The following MCM9 variants were observed in gnomAD, a reference collection of about 807,000 sequenced individuals.
MCM9 encodes the protein minichromosome maintenance 9 homologous recombination repair factor, also known as DNA helicase MCM9.
MCM9 carries 55 observed loss-of-function variants against 72.8 expected under a neutral mutation model. The observed-to-expected ratio is 0.76, with a 90% CI of 0.61 to 0.95. MCM9 has a LOEUF of 0.95. MCM9 is among the 40% of genes least tolerant of loss of function. MCM9 has a pLI of 0.00. For synonymous variants in MCM9, 480 were observed against 503.4 expected (o/e 0.95, Z 0.62); for missense variants, 1,279 against 1,377.0 (o/e 0.93, Z 1.13).
rs560268904 is a variant in MCM9 at position 118,829,247 on chromosome 6, G to A, written c.1329C>T (p.Leu443=). Residue 443 remains leucine (L), a synonymous_variant, in exon 10 of 14, where the codon CTC becomes CTT. Coordinates refer to ENST00000619706, the MANE Select transcript of MCM9 (RefSeq NM_017696.3). ...QQTISVAKAG[L]VCKLNTRTTI... is the part of the protein sequence containing the mutation. ...TGGTCCTTGTGTTCAGCTTGCACAC[G>A]AGGCTGCCAGGAGAGACAGTACAAT... 5.6e-5 allele frequency: 87 copies of A among 1,548,180 alleles called. No individual in the cohort carries two copies. The East Asian group carries it at 9.3e-4, about 17-fold the overall frequency.
intron 3 of MCM9, among the ~76,000 whole-genome samples, chr6:118,930,316 G>T (rs1487372298): frequency 6.6e-6 from 1 of 152,080 alleles, no homozygotes; most frequent in Non-Finnish European, 1.5e-5. Context: ...GTTTCACCGT[G>T]TTAGCCAGGA....
At chr6:118,911,996 A>G in intron 7 of MCM9, 2 of 365,658 alleles carry the variant, frequency 5.5e-6, no homozygotes. Context: ...TGCTATTTCC[A>G]GATGTTCAGG....
Position 118,931,561 on chromosome 6 carries a change from C to T in MCM9, c.163G>A (p.Gly55Arg), listed in dbSNP as rs549795259. The T allele has an allele frequency of 4.3e-6, 7 of 1,613,956 alleles. No individual in the cohort carries two copies. The highest frequency in any genetic ancestry group is 5.9e-6 in the Non-Finnish European group (7 of 1,180,034). Residue 55 changes from glycine to arginine, a missense_variant, in exon 3 of 14, where the codon GGG (glycine) becomes AGG (arginine). Transcript: ENST00000619706. Reference sequence around the variant, plus strand: ...CTGGGGAACATGTTGAAATATTCCCCGATTTCCATGTTGGTCTCAAACAGA... The same window carrying T: ...CTGGGGAACATGTTGAAATATTCCCTGATTTCCATGTTGGTCTCAAACAGA... ...MTLFETNMEI[G>R]EYFNMFPSEV... is the part of the protein sequence containing the mutation.
intron 3 of MCM9, among the ~76,000 whole-genome samples, chr6:118,928,440 G>T (rs981225908): frequency 2.6e-5 from 4 of 152,066 alleles, no homozygotes; most frequent in African/African-American, 9.7e-5. Flanking sequence ...ACTCAAGCTA[G>T]AATGCTTAGG....
chr6:118,873,233 A>C, intron 8 of MCM9, among the ~76,000 whole-genome samples: 1 of 119,914 alleles, frequency 8.3e-6, no homozygotes, highest in East Asian at 2.7e-4. Flanking sequence ...GGGAAGGGGA[A>C]AGGGAAAGGG....
At chr6:118,847,224 T>A (rs1367268525) in intron 9 of MCM9, among the ~76,000 whole-genome samples, 2 of 151,614 alleles carry the variant, frequency 1.3e-5, no homozygotes. Flanking sequence ...CACTTTTAAG[T>A]GGGAGCTAAA....
At chr6:118,818,114 C>G (rs1228298229) in intron 13 of MCM9, among the ~76,000 whole-genome samples, 1 of 152,176 alleles carries the variant, frequency 6.6e-6, no homozygotes, top group Non-Finnish European at 1.5e-5. Context: ...TTTGGCTGAG[C>G]TGAAGCTCTT....
intron 3 of MCM9, among the ~76,000 whole-genome samples, chr6:118,928,865 A>G (rs1357093148): frequency 1.3e-5 from 2 of 152,104 alleles, no homozygotes; most frequent in Non-Finnish European, 2.9e-5. Flanking sequence ...AAAAAAAAAA[A>G]AAGAATTCAT....
At chr6:118,825,895 C>G (rs141375179) in intron 13 of MCM9, among the ~76,000 whole-genome samples, 1 of 152,232 alleles carries the variant, frequency 6.6e-6, no homozygotes, top group East Asian at 1.9e-4. Flanking sequence ...GCCTGAATGT[C>G]TGATACCCAG....
chr6:118,845,175 C>T (rs1492242), intron 9 of MCM9, among the ~76,000 whole-genome samples: 11,469 of 151,760 alleles, frequency 0.076, 818 homozygotes, highest in East Asian at 0.19. Flanking sequence ...GCCTAAAAGA[C>T]CCACAAACAC....
intron 8 of MCM9, among the ~76,000 whole-genome samples, chr6:118,894,749 G>A (rs958703474): frequency 7.1e-6 from 1 of 140,840 alleles, no homozygotes; most frequent in African/African-American, 3.0e-5. Context: ...TTGTTTGAGC[G>A]GAGGAGCGGA....
intron 9 of MCM9, among the ~76,000 whole-genome samples, chr6:118,843,702 A>ATC (rs1562407268): frequency 2.2e-5 from 1 of 44,804 alleles, no homozygotes; most frequent in Non-Finnish European, 4.2e-5. Context: ...ATATATATAT[A>ATC]TGTATGTATA....
At chr6:118,837,334 T>C (rs958229181) in intron 9 of MCM9, among the ~76,000 whole-genome samples, 8 of 152,236 alleles carry the variant, frequency 5.3e-5, no homozygotes, top group Non-Finnish European at 7.3e-5. Context: ...CTGAGAAGAA[T>C]GTATATTCTG....
At chr6:118,909,465 G>A (rs780295219) in intron 8 of MCM9, among the ~76,000 whole-genome samples, 2 of 148,952 alleles carry the variant, frequency 1.3e-5, no homozygotes, top group East Asian at 1.9e-4. Flanking sequence ...CATTAGAAAC[G>A]TAAGAAACTG....
intron 9 of MCM9, among the ~76,000 whole-genome samples, chr6:118,834,234 C>T (rs374685102): frequency 1.3e-5 from 2 of 152,184 alleles, no homozygotes; most frequent in East Asian, 3.8e-4. Flanking sequence ...TATATATGTG[C>T]CACATTTTCT....
intron 8 of MCM9, among the ~76,000 whole-genome samples, chr6:118,865,851 A>G (rs1384362690): frequency 1.5e-4 from 2 of 13,142 alleles, no homozygotes; most frequent in African/African-American, 2.5e-4. Flanking sequence ...TAGATCCAAG[A>G]AAAAAAGAGG....
rs948020197 is a variant in MCM9 at position 118,934,904 on chromosome 6, A to G, written c.-163T>C. The G allele has an allele frequency of 6.6e-6, 1 of 152,286 alleles. No homozygotes were observed. Among genetic ancestry groups the G allele is most frequent in the Non-Finnish European group, 1.5e-5 (1 of 68,076 alleles). The allele number at this position is 152,286 out of a possible 1,614,324, so 9.4% of individuals were successfully genotyped here. On this transcript the variant is annotated 5_prime_UTR_variant, in exon 1 of 14. Transcript: ENST00000619706. ...GCTATCACTTACTGGCTGTGTCAGAAGTCGCCGGGAACGCGTTGCTCCCGA... is the reference window on the plus strand; with the variant it reads ...GCTATCACTTACTGGCTGTGTCAGAGGTCGCCGGGAACGCGTTGCTCCCGA...
At chr6:118,894,006 C>A (rs1779157352) in intron 8 of MCM9, 1 of 986,100 alleles carries the variant, frequency 1.0e-6, no homozygotes, top group African/African-American at 1.7e-5. Flanking sequence ...GCGCGGGCCT[C>A]CCAGCCCTTA....
intron 8 of MCM9, among the ~76,000 whole-genome samples, chr6:118,897,880 T>A (rs974822743): frequency 6.6e-6 from 1 of 151,292 alleles, no homozygotes; most frequent in Non-Finnish European, 1.5e-5. Context: ...GTATTGAGCA[T>A]GTAAAACTCA....
Sources: gnomAD v4.1 joint callset for allele counts (sites outside exome capture counted in the v4.1 genomes callset) on GRCh38, gnomAD v4.1.1 for gene constraint, MANE v1.5 for transcripts, NCBI Gene and HGNC (gene_info 2026-07-23, HGNC 2026-07-21) for gene names.